PCDHGB2: variants seen among roughly 807,000 people sequenced by gnomAD.
The protein encoded by PCDHGB2 is protocadherin gamma-B2.
In PCDHGB2, 55 loss-of-function variants were observed where a neutral mutation model predicts 59.3. The ratio of observed to expected loss-of-function variants is 0.93; its 90% CI spans 0.75 to 1.16. The LOEUF (loss-of-function observed/expected upper bound fraction) is 1.16, where lower values mean the gene tolerates loss of function less well. Among genes scored for constraint, PCDHGB2 ranks in the 50% most tolerant of loss-of-function variants. PCDHGB2 has a pLI of 0.00. For synonymous variants in PCDHGB2, 516 were observed against 512.0 expected, an observed-to-expected ratio of 1.01 and a Z score of -0.11; for missense variants, 1,228 against 1,198.5, an observed-to-expected ratio of 1.02 and a Z score of -0.36.
intron 1 of PCDHGB2, among the ~76,000 whole-genome samples, chr5:141,433,989 T>C (rs898601470): frequency 6.6e-6 from 1 of 152,248 alleles, no homozygotes; most frequent in Non-Finnish European, 1.5e-5. Context: ...AGAAGAGTTT[T>C]ATATTCTCTA....
In PCDHGB2 at chr5:141,485,089, G is replaced by C; in HGVS notation, c.2422-9718G>C. 9.7e-7 allele frequency: 1 copy of C among 1,027,236 alleles called. No individual in the cohort carries two copies. The highest frequency in any genetic ancestry group is 1.5e-6 in the Non-Finnish European group (1 of 674,564). The allele number at this position is 1,027,236 out of a possible 1,614,324, so 63.6% of individuals were successfully genotyped here. On this transcript the variant is annotated intron_variant, in intron 1 of 3. Coordinates refer to ENST00000522605, the MANE Select transcript of PCDHGB2 (RefSeq NM_018923.3). This position sits in a 1 kb window ranked among gnomAD's most constrained non-coding sequence, Gnocchi z 5.7. ...GAGCTGGCGCGGGGAAAGGGAGATA[G>C]GTGTCTCCAGCTGCTGTGGCTGTTT... is the stretch of plus-strand genomic sequence containing the variant.
chr5:141,375,239 A>G, intron 1 of PCDHGB2: 2 of 1,613,974 alleles, frequency 1.2e-6, no homozygotes, highest in Admixed American at 1.7e-5. Context: ...AACCTGTTCC[A>G]TCCCGAGAAG....
Position 141,376,431 on chromosome 5 carries a change from A to T in PCDHGB2, c.2421+13875A>T, listed in dbSNP as rs372723180. On this transcript the variant is annotated intron_variant, in intron 1 of 3. Coordinates refer to ENST00000522605, the MANE Select transcript of PCDHGB2 (RefSeq NM_018923.3). ...TATGCCGACACGCTTATCAACCAGG[A>T]GAGCTATGAGAAAAGCGAGCCTCTT... The T allele has an allele frequency of 9.0e-5, 145 of 1,614,074 alleles. No homozygotes were observed. The highest frequency in any genetic ancestry group is 1.2e-4 in the Non-Finnish European group (143 of 1,180,046).
chr5:141,448,784 C>CA (rs576464275), intron 1 of PCDHGB2, among the ~76,000 whole-genome samples: 7,532 of 145,718 alleles, frequency 0.052, 302 homozygotes, highest in African/African-American at 0.11. Flanking sequence ...ACTAAAAATA[C>CA]AAAAAAAAAA....
At chr5:141,403,574 C>A (rs1441332710) in intron 1 of PCDHGB2, 1 of 1,613,960 alleles carries the variant, frequency 6.2e-7, no homozygotes, top group Admixed American at 1.7e-5. Flanking sequence ...GGCAACTGCC[C>A]ACCACCTGGT....
chr5:141,403,832 C>T (rs374600582), intron 1 of PCDHGB2: 1 of 1,613,684 alleles, frequency 6.2e-7, no homozygotes, highest in Non-Finnish European at 8.5e-7. Context: ...GCTATTCCAG[C>T]TTAATGAAAA....
Position 141,431,529 on chromosome 5 carries a change from T to G in PCDHGB2, c.2422-63278T>G, listed in dbSNP as rs145601545. The G allele has an allele frequency of 2.5e-6, 4 of 1,614,074 alleles. No homozygotes were observed. The highest frequency in any genetic ancestry group is 3.4e-6 in the Non-Finnish European group (4 of 1,180,030). ...GCGAGCGTTCCGGAGAATCTGGCCT[T>G]GGGCACGCAGCTGCTTGTAGTCAAC... On this transcript the variant is annotated intron_variant, in intron 1 of 3. Coordinates refer to ENST00000522605, the MANE Select transcript of PCDHGB2 (RefSeq NM_018923.3). The surrounding 1 kb of genome is among the most constrained non-coding windows in gnomAD (Gnocchi z 4.8).
intron 2 of PCDHGB2, 106 bp downstream of exon 2, chr5:141,494,971 C>T (rs1244836841): frequency 1.3e-6 from 2 of 1,583,382 alleles, no homozygotes; most frequent in African/African-American, 1.3e-5. Context: ...ATGGCTTCTC[C>T]CTCAGTTTGA....
chr5:141,421,429 G>A, intron 1 of PCDHGB2: 1 of 1,614,090 alleles, frequency 6.2e-7, no homozygotes, highest in Non-Finnish European at 8.5e-7. Context: ...AGTCCGCATC[G>A]TCTCCAGAGG....
rs370432555 is a variant in PCDHGB2 at position 141,388,865 on chromosome 5, G to A, written c.2421+26309G>A. On this transcript the variant is annotated intron_variant, in intron 1 of 3. Transcript: ENST00000522605. Reference sequence around the variant, plus strand: ...CAAGGGACGGTGGAGGAATGATTGCGCAATGCACAGTGGAGGTAGAAGTCA... The same window carrying A: ...CAAGGGACGGTGGAGGAATGATTGCACAATGCACAGTGGAGGTAGAAGTCA... 10 of 1,613,808 alleles carry A rather than the reference G, an allele frequency of 6.2e-6. No homozygotes were observed. In the East Asian group the frequency reaches 6.7e-5, roughly 11 times the overall value.
chr5:141,369,901 T>G (rs1766552570), intron 1 of PCDHGB2, among the ~76,000 whole-genome samples: 1 of 152,190 alleles, frequency 6.6e-6, no homozygotes, highest in Admixed American at 6.5e-5. Context: ...TTATGACCAT[T>G]TTATGAAAAT....
At chr5:141,405,648 G>T (rs936380418) in intron 1 of PCDHGB2, 5 of 523,616 alleles carry the variant, frequency 9.5e-6, no homozygotes, top group African/African-American at 3.9e-5. Context: ...CTAATTTTTT[G>T]TGTGTTTTTA....
chr5:141,388,637 T>G (rs993746447), intron 1 of PCDHGB2: 1 of 1,613,762 alleles, frequency 6.2e-7, no homozygotes, highest in Non-Finnish European at 8.5e-7. Context: ...GGGTGAGCCT[T>G]TCAGAAAACG....
chr5:141,376,273 T>C (rs765392169), intron 1 of PCDHGB2: 25 of 1,613,968 alleles, frequency 1.5e-5, no homozygotes, highest in Non-Finnish European at 1.9e-5. Context: ...CTTCGGGAGG[T>C]GGCTTAGCGA....
chr5:141,438,545 A>C (rs915206342), intron 1 of PCDHGB2, among the ~76,000 whole-genome samples: 4 of 140,354 alleles, frequency 2.8e-5, no homozygotes, highest in Admixed American at 7.4e-5. Flanking sequence ...TCTATATCTA[A>C]GCCCTAATAA....
chr5:141,463,097 C>A (rs1333118215), intron 1 of PCDHGB2, among the ~76,000 whole-genome samples: 2 of 152,152 alleles, frequency 1.3e-5, no homozygotes, highest in East Asian at 3.8e-4. Context: ...CCCTATGTGA[C>A]CATCAAGAAT....
chr5:141,392,688 C>T (rs1009459106), intron 1 of PCDHGB2: 2 of 1,113,934 alleles, frequency 1.8e-6, no homozygotes, highest in Non-Finnish European at 2.5e-6. Flanking sequence ...GCAGCGAAAC[C>T]CGACCCCTGT....
intron 1 of PCDHGB2, among the ~76,000 whole-genome samples, chr5:141,488,225 T>G (rs2099673126): frequency 6.6e-6 from 1 of 152,136 alleles, no homozygotes. Flanking sequence ...CTACTGGGGA[T>G]TTGAACTAGA....
intron 1 of PCDHGB2, among the ~76,000 whole-genome samples, chr5:141,420,877 G>T (rs566962587): frequency 3.9e-5 from 6 of 152,338 alleles, no homozygotes; most frequent in African/African-American, 1.4e-4. Context: ...TGTAAGTATT[G>T]TGTATCATCG....
Sources: allele counts gnomAD v4.1 joint callset (sites outside exome capture counted in the v4.1 genomes callset), GRCh38; gene constraint gnomAD v4.1.1; non-coding constraint Gnocchi (gnomAD v3.1); transcripts MANE v1.5; gene names NCBI Gene and HGNC (gene_info 2026-07-23, HGNC 2026-07-21).